ADK: variants seen among roughly 807,000 people sequenced by gnomAD.
ADK encodes the protein N6,N6-dimethyladenosine kinase.
Under a neutral mutation model 44.7 loss-of-function variants are expected in ADK, and 24 were observed. That is an observed-to-expected ratio of 0.54 (90% CI 0.39 to 0.76). The LOEUF (loss-of-function observed/expected upper bound fraction) is 0.76. Among genes scored for constraint, ADK ranks in the 30% least tolerant of loss-of-function variants. The probability of loss-of-function intolerance (pLI) is 0.00; values close to 1 mark genes in which losing one functional copy is unlikely to be tolerated. For synonymous variants in ADK, 128 were observed against 142.6 expected, an observed-to-expected ratio of 0.90 and a Z score of 0.73; for missense variants, 321 against 425.1, an observed-to-expected ratio of 0.76 and a Z score of 2.15.
chr10:74,661,228 G>T, intron 9 of ADK: 2 of 727,370 alleles, frequency 2.7e-6, no homozygotes, highest in Non-Finnish European at 3.4e-6. Flanking sequence ...TTAAATGTCA[G>T]TTAACTGCTG....
chr10:74,347,379 A>G (rs1263186654), intron 4 of ADK, among the ~76,000 whole-genome samples: 3 of 151,990 alleles, frequency 2.0e-5, no homozygotes, highest in African/African-American at 7.2e-5. Flanking sequence ...GGACTGTGCT[A>G]TCTGGCCCAG....
At chr10:74,410,721 T>C (rs1844145831) in intron 6 of ADK, among the ~76,000 whole-genome samples, 1 of 152,124 alleles carries the variant, frequency 6.6e-6, no homozygotes, top group African/African-American at 2.4e-5. Context: ...CTTAAAGTGA[T>C]AGCTTTAAAC....
At chr10:74,669,552 T>C (rs1855095573) in intron 9 of ADK, among the ~76,000 whole-genome samples, 1 of 152,250 alleles carries the variant, frequency 6.6e-6, no homozygotes, top group Admixed American at 6.5e-5. Context: ...ATGCATTCAG[T>C]TGTAGCTTTC....
chr10:74,555,259 C>T (rs1452495128), intron 7 of ADK, among the ~76,000 whole-genome samples: 2 of 152,178 alleles, frequency 1.3e-5, no homozygotes, highest in Non-Finnish European at 2.9e-5. Context: ...GACCTTGTCT[C>T]AATAATAATA....
intron 4 of ADK, among the ~76,000 whole-genome samples, chr10:74,392,755 TATTATTAA>T (rs1843379905): frequency 2.1e-5 from 1 of 48,042 alleles, no homozygotes. Flanking sequence ...AAATAATATA[TATTATTAA>T]GTTTTATTTT....
rs565378917 is a variant in ADK, at chr10:74,456,963, C to T, written c.555+58384C>T. On this transcript the variant is annotated intron_variant, in intron 6 of 10. Transcript: ENST00000539909. The stretch of plus-strand genomic sequence containing the variant: ...AACAAATTCAAAAGCTAGCAGAAGA[C>T]AAGAAATAACTAAGATCAGAGCAGA... 7.2e-5 allele frequency among the ~76,000 whole-genome samples: 11 copies of T among 152,046 alleles called. No individual in the cohort carries two copies. The South Asian group carries it at 1.5e-3, about 20-fold the overall frequency.
chr10:74,460,260 A>G (rs10824186), intron 6 of ADK, among the ~76,000 whole-genome samples: 110,117 of 152,070 alleles, frequency 0.72, 40,522 homozygotes, highest in Middle Eastern at 0.86. Flanking sequence ...ATTTCTCTGT[A>G]TACCAAAACA....
At chr10:74,180,208 T>TTTTATTATTATTA in intron 1 of ADK, among the ~76,000 whole-genome samples, 1 of 96,506 alleles carries the variant, frequency 1.0e-5, no homozygotes, top group African/African-American at 2.9e-5. Flanking sequence ...CTCTTTTCTT[T>TTTTATTATTATTA]TTATTATTAT....
At chr10:74,184,511 G>A (rs1484619349) in intron 1 of ADK, among the ~76,000 whole-genome samples, 2 of 141,062 alleles carry the variant, frequency 1.4e-5, no homozygotes, top group Non-Finnish European at 3.2e-5. Context: ...TTGTGTGTGT[G>A]TGTGTGTGTG....
At chr10:74,414,065 C>A (rs1844282394) in intron 6 of ADK, among the ~76,000 whole-genome samples, 1 of 152,058 alleles carries the variant, frequency 6.6e-6, no homozygotes, top group African/African-American at 2.4e-5. Context: ...ATAATAATAT[C>A]ATAGATCAGT....
chr10:74,704,112 T>C (rs1445399909), intron 10 of ADK, among the ~76,000 whole-genome samples: 1 of 152,162 alleles, frequency 6.6e-6, no homozygotes, highest in Non-Finnish European at 1.5e-5. Flanking sequence ...TGATCTCACT[T>C]ATATGAGGTA....
chr10:74,702,409 C>G (rs988839625), intron 10 of ADK, among the ~76,000 whole-genome samples: 1 of 151,788 alleles, frequency 6.6e-6, no homozygotes, highest in African/African-American at 2.4e-5. Flanking sequence ...GTCTTGAACT[C>G]CTGACCTTGT....
intron 4 of ADK, among the ~76,000 whole-genome samples, chr10:74,369,491 A>G (rs1387148690): frequency 6.6e-6 from 1 of 152,232 alleles, no homozygotes; most frequent in Non-Finnish European, 1.5e-5. Context: ...AAGATGAAGT[A>G]ACAAGTACTG....
rs978693192 is a variant in ADK, at chr10:74,578,868, C to T, written c.727-10414C>T. Among the ~76,000 whole-genome samples, 4 of 152,142 alleles carry T rather than the reference C, an allele frequency of 2.6e-5. No individual in the cohort carries two copies. In the South Asian group the frequency reaches 8.3e-4, roughly 32 times the overall value. On this transcript the variant is annotated intron_variant, in intron 7 of 10. Transcript: ENST00000539909. ...AAAGTAGAATGTTTATGGTTTAATA[C>T]ATCAAGAACTATATCCTTCATAAAA... is the stretch of plus-strand genomic sequence containing the variant.
At chr10:74,407,583 G>A (rs1054083024) in intron 6 of ADK, among the ~76,000 whole-genome samples, 3 of 152,074 alleles carry the variant, frequency 2.0e-5, no homozygotes, top group Non-Finnish European at 4.4e-5. Context: ...AGACTCCAAA[G>A]GAATCCCTTG....
intron 6 of ADK, among the ~76,000 whole-genome samples, chr10:74,463,047 C>A (rs540203218): frequency 1.3e-5 from 2 of 152,118 alleles, no homozygotes; most frequent in Non-Finnish European, 2.9e-5. Context: ...AGCTAAAGTT[C>A]TTGAGAAATT....
At chr10:74,640,575 A>G (rs1853806188) in intron 9 of ADK, among the ~76,000 whole-genome samples, 1 of 152,240 alleles carries the variant, frequency 6.6e-6, no homozygotes, top group Non-Finnish European at 1.5e-5. Flanking sequence ...TATATCTTTC[A>G]GTTCTAATAG....
chr10:74,619,001 T>G (rs1317707914), intron 9 of ADK, among the ~76,000 whole-genome samples: 1 of 145,132 alleles, frequency 6.9e-6, no homozygotes, highest in Admixed American at 7.2e-5. Flanking sequence ...CCCATATGCC[T>G]TTTATGCTCT....
rs900025466 is a variant in ADK, at chr10:74,372,430, A to G, written c.274-21711A>G. ...GAAAGGTCTTAAGCTGTTATTGCAC[A>G]CGCTCTTAAGCAACATGGAAATAAG... On this transcript the variant is annotated intron_variant, in intron 4 of 10. Transcript: ENST00000539909. 1.1e-5 allele frequency: 7 copies of G among 644,852 alleles called. No homozygotes were observed. The Admixed American group carries it at 1.3e-4, about 12-fold the overall frequency. 39.9% of individuals were successfully genotyped at this position (644,852 alleles called of 1,614,324 possible). A position where few individuals can be genotyped will look rare whatever the true frequency, so the allele number is the denominator to read the frequency against.
Sources: gnomAD v4.1 joint callset for allele counts (sites outside exome capture counted in the v4.1 genomes callset) on GRCh38, gnomAD v4.1.1 for gene constraint, MANE v1.5 for transcripts, NCBI Gene and HGNC (gene_info 2026-07-23, HGNC 2026-07-21) for gene names.